NAALADL2: variants seen among roughly 807,000 people sequenced by gnomAD.
NAALADL2 encodes the protein N-acetylated alpha-linked acidic dipeptidase like 2.
Under a neutral mutation model 87.2 loss-of-function variants are expected in NAALADL2, and 76 were observed. That is an observed-to-expected ratio of 0.87 (90% CI 0.72 to 1.05). NAALADL2 has a LOEUF of 1.05. Ranked by LOEUF, NAALADL2 falls within the 50% of genes least tolerant of loss-of-function variation. The probability of loss-of-function intolerance (pLI) is 0.00; values close to 1 mark genes in which losing one functional copy is unlikely to be tolerated. For synonymous variants in NAALADL2, 354 were observed against 331.0 expected (o/e 1.07, Z -0.75); for missense variants, 1,089 against 945.8 (o/e 1.15, Z -1.99).
At chr3:175,503,188 T>C (rs531734013) in intron 9 of NAALADL2, among the ~76,000 whole-genome samples, 1 of 152,254 alleles carries the variant, frequency 6.6e-6, no homozygotes, top group Non-Finnish European at 1.5e-5. Flanking sequence ...GAATATTTAG[T>C]TTTCTCCTGC....
At chr3:174,456,522 C>G (rs1415427910) in intron 1 of NAALADL2, among the ~76,000 whole-genome samples, 1 of 150,698 alleles carries the variant, frequency 6.6e-6, no homozygotes, top group Non-Finnish European at 1.5e-5. Flanking sequence ...AACCCAGACA[C>G]ATAGACTGAT....
chr3:175,643,842 C>G (rs1729615256), intron 11 of NAALADL2, among the ~76,000 whole-genome samples: 1 of 152,182 alleles, frequency 6.6e-6, no homozygotes, highest in African/African-American at 2.4e-5. Context: ...GGAATAGTTA[C>G]ATACACAGGC....
intron 9 of NAALADL2, among the ~76,000 whole-genome samples, chr3:175,480,977 A>G (rs1449481709): frequency 6.6e-6 from 1 of 151,940 alleles, no homozygotes; most frequent in Non-Finnish European, 1.5e-5. Context: ...CTATAATTTT[A>G]CTATCCAGAG....
chr3:175,428,076 C>T (rs1438328793), intron 5 of NAALADL2, among the ~76,000 whole-genome samples: 1 of 152,054 alleles, frequency 6.6e-6, no homozygotes, highest in African/African-American at 2.4e-5. Context: ...TTCATCTTTA[C>T]AGCTGTGTCA....
At chr3:175,489,947 A>G (rs1411860252) in intron 9 of NAALADL2, among the ~76,000 whole-genome samples, 1 of 151,962 alleles carries the variant, frequency 6.6e-6, no homozygotes, top group Non-Finnish European at 1.5e-5. Context: ...TAACACCTAG[A>G]TTTTTCTTGG....
At chr3:174,773,525 G>T (rs1055510229) in intron 3 of NAALADL2, among the ~76,000 whole-genome samples, 53 of 152,168 alleles carry the variant, frequency 3.5e-4, no homozygotes, top group African/African-American at 1.3e-3. Context: ...CATAGAAGTG[G>T]TAGCTTAGGC....
At chr3:175,289,773 C>A (rs893033301) in intron 4 of NAALADL2, among the ~76,000 whole-genome samples, 1 of 151,812 alleles carries the variant, frequency 6.6e-6, no homozygotes, top group Admixed American at 6.6e-5. Context: ...CCTGCCTGGG[C>A]AACATAGAGA....
At chr3:175,111,157 G>A (rs1235670462) in intron 2 of NAALADL2, among the ~76,000 whole-genome samples, 1 of 151,674 alleles carries the variant, frequency 6.6e-6, no homozygotes, top group African/African-American at 2.4e-5. Context: ...GCTATGTCCA[G>A]GTGCGGGGAA....
intron 1 of NAALADL2, among the ~76,000 whole-genome samples, chr3:175,008,290 A>T (rs1749308313): frequency 6.6e-6 from 1 of 152,184 alleles, no homozygotes; most frequent in Admixed American, 6.5e-5. Flanking sequence ...AGGCTAAGGC[A>T]GGATTGCTTG....
chr3:175,315,381 A>C (rs1759009148), intron 4 of NAALADL2, among the ~76,000 whole-genome samples: 1 of 152,176 alleles, frequency 6.6e-6, no homozygotes, highest in Admixed American at 6.5e-5. Context: ...TGAAAATGTA[A>C]TGTGAAATAT....
intron 9 of NAALADL2, among the ~76,000 whole-genome samples, chr3:175,550,976 C>A (rs1424083394): frequency 1.3e-5 from 2 of 152,128 alleles, no homozygotes; most frequent in Non-Finnish European, 2.9e-5. Flanking sequence ...ATGGATTTAT[C>A]TGTTGTGGTA....
intron 3 of NAALADL2, among the ~76,000 whole-genome samples, chr3:174,836,150 T>G (rs66903779): frequency 0.16 from 24,893 of 152,112 alleles, 2,425 homozygotes; most frequent in African/African-American, 0.26. Flanking sequence ...TACCATTCAG[T>G]CTTAAAAAGG....
chr3:175,259,511 T>C (rs1207281368), intron 4 of NAALADL2, among the ~76,000 whole-genome samples: 1 of 152,044 alleles, frequency 6.6e-6, no homozygotes. Flanking sequence ...TTTAAAAGAG[T>C]AATGGGAAAG....
intron 5 of NAALADL2, among the ~76,000 whole-genome samples, chr3:175,392,979 T>C (rs1215092675): frequency 1.3e-5 from 2 of 152,190 alleles, no homozygotes; most frequent in Non-Finnish European, 2.9e-5. Context: ...CCAAGTTTTT[T>C]CATCTTTAAA....
intron 9 of NAALADL2, among the ~76,000 whole-genome samples, chr3:175,547,228 CA>C (rs1192010934): frequency 6.6e-6 from 1 of 151,946 alleles, no homozygotes; most frequent in Non-Finnish European, 1.5e-5. Context: ...ACACATAGAC[CA>C]ATGGAATAGA....
intron 2 of NAALADL2, among the ~76,000 whole-genome samples, chr3:174,574,693 T>G (rs902094054): frequency 6.6e-6 from 1 of 152,270 alleles, no homozygotes; most frequent in Admixed American, 6.5e-5. Flanking sequence ...TTCTTGTTCC[T>G]TCTTCAGTCG....
chr3:174,470,970 T>C (rs77451364), intron 1 of NAALADL2, among the ~76,000 whole-genome samples: 59 of 152,284 alleles, frequency 3.9e-4, no homozygotes, highest in African/African-American at 1.3e-3. Flanking sequence ...AATGCTTTCA[T>C]ACATCCTTAG....
intron 2 of NAALADL2, among the ~76,000 whole-genome samples, chr3:175,206,262 A>T (rs200633763): frequency 0.02 from 2,106 of 103,102 alleles, 72 homozygotes; most frequent in East Asian, 0.052. Context: ...ATATATATAT[A>T]TTTTTTTTTT....
intron 2 of NAALADL2, among the ~76,000 whole-genome samples, chr3:174,561,465 G>T (rs1178138407): frequency 1.3e-5 from 2 of 152,058 alleles, no homozygotes; most frequent in Non-Finnish European, 2.9e-5. Flanking sequence ...CTCCCAAAGT[G>T]CTGAGATTAC....
Sources: allele counts gnomAD v4.1 joint callset (sites outside exome capture counted in the v4.1 genomes callset), GRCh38; gene constraint gnomAD v4.1.1; transcripts MANE v1.5; gene names NCBI Gene and HGNC (gene_info 2026-07-23, HGNC 2026-07-21).